The following SELENOF variants were observed in gnomAD, a reference collection of about 807,000 sequenced individuals.
SELENOF encodes 15 kDa selenoprotein.
SELENOF carries 16 observed loss-of-function variants against 20.5 expected under a neutral mutation model. The ratio of observed to expected loss-of-function variants is 0.78; its 90% CI spans 0.53 to 1.19. The LOEUF (loss-of-function observed/expected upper bound fraction) is 1.19, where lower values mean the gene tolerates loss of function less well. Among genes scored for constraint, SELENOF ranks in the 50% most tolerant of loss-of-function variants. The pLI, the probability that SELENOF is intolerant of heterozygous loss-of-function variation, is 0.00. For synonymous variants in SELENOF, 78 were observed against 74.5 expected (o/e 1.05, Z -0.24); for missense variants, 215 against 194.2 (o/e 1.11, Z -0.64).
intron 2 of SELENOF, among the ~76,000 whole-genome samples, chr1:86,892,356 T>C (rs1659412618): frequency 6.6e-6 from 1 of 152,060 alleles, no homozygotes; most frequent in African/African-American, 2.4e-5. Flanking sequence ...ATAATGCTTT[T>C]ATATTATAAT....
chr1:86,905,560 T>C (rs1659807108), intron 1 of SELENOF, among the ~76,000 whole-genome samples: 2 of 152,210 alleles, frequency 1.3e-5, no homozygotes, highest in African/African-American at 2.4e-5. Context: ...TTCGTGACAC[T>C]GTACTATGTA....
At chr1:86,893,811 C>T (rs996414523) in intron 2 of SELENOF, among the ~76,000 whole-genome samples, 14 of 151,992 alleles carry the variant, frequency 9.2e-5, no homozygotes, top group Non-Finnish European at 2.1e-4. Context: ...AATGATAATG[C>T]TACTATATAA....
chr1:86,877,579 T>C lies in SELENOF; in HGVS notation c.316+3083A>G, dbSNP rs80156597. On this transcript the variant is annotated intron_variant, in intron 3 of 4. Transcript: ENST00000331835. ...CCTTATACATAAAGCCTGAAGGTAA[T>C]TTTATGCAGTATTTTTAAAGTTTCA... Among the ~76,000 whole-genome samples the C allele has an allele frequency of 8.9e-3, 1,357 of 152,326 alleles. 9 individuals carry two copies. The highest frequency in any genetic ancestry group is 0.017 in the Middle Eastern group (5 of 294).
intron 2 of SELENOF, among the ~76,000 whole-genome samples, chr1:86,901,845 T>C (rs1659712540): frequency 6.6e-6 from 1 of 152,254 alleles, no homozygotes; most frequent in African/African-American, 2.4e-5. Context: ...GTTTACAGTT[T>C]TGGCATATCT....
intron 3 of SELENOF, among the ~76,000 whole-genome samples, chr1:86,876,791 T>C (rs1658934236): frequency 6.6e-6 from 1 of 152,150 alleles, no homozygotes. Context: ...ATGTTAGAAG[T>C]AGCAGAAAGC....
chr1:86,907,256 T>C (rs920366612), intron 1 of SELENOF, among the ~76,000 whole-genome samples: 20 of 152,218 alleles, frequency 1.3e-4, no homozygotes, highest in African/African-American at 4.8e-4. Flanking sequence ...TACATGTTGG[T>C]ATTAGGCTCA....
chr1:86,882,197 C>T (rs1179344052), intron 2 of SELENOF, among the ~76,000 whole-genome samples: 2 of 137,956 alleles, frequency 1.4e-5, no homozygotes, highest in African/African-American at 2.7e-5. Context: ...TGCAGTGAGC[C>T]GAGATCACGC....
rs575143421 is a variant in SELENOF, at chr1:86,893,852, C to A, written c.252+9429G>T. ...GTGACTTAAATTAGTCTAGTTCCAA[C>A]TAGGAAATGGGAGTGGGAAGTGGAG... On this transcript the variant is annotated intron_variant, in intron 2 of 4. Coordinates refer to ENST00000331835, the MANE Select transcript of SELENOF (RefSeq NM_004261.5). Among the ~76,000 whole-genome samples, 3 of 152,214 alleles carry A rather than the reference C, an allele frequency of 2.0e-5. No individual in the cohort carries two copies. In the East Asian group the frequency reaches 5.8e-4, roughly 29 times the overall value.
intron 1 of SELENOF, 64 bp from the exon 2 acceptor site, chr1:86,903,512 G>GGTACTGTTTTCT: frequency 7.8e-7 from 1 of 1,281,730 alleles, no homozygotes; most frequent in Non-Finnish European, 1.0e-6. Flanking sequence ...TTTCCAAAAA[G>GGTACTGTTTTCT]AGAACACGGG....
At chr1:86,883,709 T>C (rs1659138489) in intron 2 of SELENOF, among the ~76,000 whole-genome samples, 2 of 152,200 alleles carry the variant, frequency 1.3e-5, no homozygotes, top group South Asian at 4.1e-4. Flanking sequence ...ATGATACATG[T>C]GGGAAATGAT....
chr1:86,898,848 G>C (rs576152617), intron 2 of SELENOF, among the ~76,000 whole-genome samples: 8 of 151,372 alleles, frequency 5.3e-5, no homozygotes, highest in African/African-American at 1.7e-4. Flanking sequence ...ATTTGGCAGG[G>C]TCATAGGACA....
At chr1:86,885,628 C>T (rs1274726645) in intron 2 of SELENOF, among the ~76,000 whole-genome samples, 2 of 152,142 alleles carry the variant, frequency 1.3e-5, no homozygotes, top group African/African-American at 4.8e-5. Context: ...ACAATAACCA[C>T]GGCTCTAAAG....
At chr1:86,912,666 C>A (rs1312046646) in intron 1 of SELENOF, among the ~76,000 whole-genome samples, 3 of 152,156 alleles carry the variant, frequency 2.0e-5, no homozygotes, top group African/African-American at 7.2e-5. Flanking sequence ...AGAGGTCACA[C>A]GGAACAGAAC....
chr1:86,910,406 C>T (rs1286357081), intron 1 of SELENOF, among the ~76,000 whole-genome samples: 1 of 152,020 alleles, frequency 6.6e-6, no homozygotes, highest in African/African-American at 2.4e-5. Context: ...TGATTCCTGC[C>T]TCAAAAGGTT....
intron 3 of SELENOF, among the ~76,000 whole-genome samples, chr1:86,873,440 T>C (rs1658836654): frequency 6.6e-6 from 1 of 152,268 alleles, no homozygotes; most frequent in Non-Finnish European, 1.5e-5. Context: ...GACTTTCTAA[T>C]AGAACTTTCT....
intron 4 of SELENOF, among the ~76,000 whole-genome samples, chr1:86,866,954 A>G (rs994380231): frequency 1.3e-5 from 2 of 152,224 alleles, no homozygotes; most frequent in Admixed American, 6.5e-5. Context: ...GCACTCAGTT[A>G]TTTACCTCAA....
chr1:86,870,036 G>A (rs1449451465), intron 3 of SELENOF, among the ~76,000 whole-genome samples: 1 of 152,166 alleles, frequency 6.6e-6, no homozygotes, highest in African/African-American at 2.4e-5. Flanking sequence ...GCCTCCCAAA[G>A]TGCTGGGATT....
intron 1 of SELENOF, among the ~76,000 whole-genome samples, chr1:86,913,410 A>C (rs1225127900): frequency 1.3e-5 from 2 of 152,254 alleles, no homozygotes; most frequent in Non-Finnish European, 2.9e-5. Context: ...GCCTTAAAGA[A>C]GACAACGAAC....
chr1:86,863,828 T>C (rs1478202844), intron 4 of SELENOF, among the ~76,000 whole-genome samples: 2 of 152,118 alleles, frequency 1.3e-5, no homozygotes, highest in African/African-American at 4.8e-5. Flanking sequence ...CATTCATTCA[T>C]TCATGAGAAA....
Sources: allele counts gnomAD v4.1 joint callset (sites outside exome capture counted in the v4.1 genomes callset), GRCh38; gene constraint gnomAD v4.1.1; transcripts MANE v1.5; gene names NCBI Gene and HGNC (gene_info 2026-07-23, HGNC 2026-07-21).